DLGAP2: variants seen among roughly 807,000 people sequenced by gnomAD.
DLGAP2 encodes disks large-associated protein 2.
DLGAP2 carries 26 observed loss-of-function variants against 100.3 expected under a neutral mutation model. That is an observed-to-expected ratio of 0.26 (90% CI 0.19 to 0.36). DLGAP2 has a LOEUF of 0.36. Ranked by LOEUF, DLGAP2 falls within the 10% of genes least tolerant of loss-of-function variation. The probability of loss-of-function intolerance (pLI) is 1.00; values close to 1 mark genes in which losing one functional copy is unlikely to be tolerated. For missense variants in DLGAP2, 1,858 were observed against 1,453.2 expected (o/e 1.28, Z -4.53); for synonymous variants, 886 against 630.1 (o/e 1.41, Z -6.08).
chr8:1,133,832 T>C (rs566467122), intron 2 of DLGAP2, among the ~76,000 whole-genome samples: 1 of 152,334 alleles, frequency 6.6e-6, no homozygotes, highest in Admixed American at 6.5e-5. Flanking sequence ...ATAAAATCCG[T>C]ATTGGGAATT....
intron 3 of DLGAP2, among the ~76,000 whole-genome samples, chr8:1,468,474 G>C (rs1038443195): frequency 6.6e-6 from 1 of 151,430 alleles, no homozygotes; most frequent in Non-Finnish European, 1.5e-5. Context: ...GGTTCACATC[G>C]CATGGATCCG....
chr8:1,554,783 C>T (rs1045752759), intron 5 of DLGAP2, among the ~76,000 whole-genome samples: 3 of 151,994 alleles, frequency 2.0e-5, no homozygotes, highest in Non-Finnish European at 2.9e-5. Flanking sequence ...CCCCCTCCCC[C>T]GCGCCCACCA....
intron 3 of DLGAP2, among the ~76,000 whole-genome samples, chr8:1,316,424 G>C (rs111921976): frequency 0.018 from 2,007 of 112,306 alleles, 5 homozygotes; most frequent in South Asian, 0.023. Context: ...CGAGTGCAGC[G>C]TCTCTCCAAC....
chr8:878,874 A>G (rs1797732066), intron 1 of DLGAP2, among the ~76,000 whole-genome samples: 1 of 152,186 alleles, frequency 6.6e-6, no homozygotes, highest in Non-Finnish European at 1.5e-5. Flanking sequence ...GACTTCGCAG[A>G]CACTAGAATC....
intron 2 of DLGAP2, among the ~76,000 whole-genome samples, chr8:916,012 C>A (rs1277718556): frequency 2.0e-5 from 3 of 151,270 alleles, no homozygotes; most frequent in African/African-American, 7.3e-5. Context: ...GTGTGTTAAC[C>A]ATGAGTCCTC....
intron 2 of DLGAP2, among the ~76,000 whole-genome samples, chr8:1,214,293 A>T (rs962940037): frequency 6.6e-6 from 1 of 152,202 alleles, no homozygotes; most frequent in Non-Finnish European, 1.5e-5. Context: ...CAGCTCCAGG[A>T]CAAAAGCTCA....
intron 2 of DLGAP2, among the ~76,000 whole-genome samples, chr8:947,641 G>A (rs1388274361): frequency 6.6e-6 from 1 of 152,176 alleles, no homozygotes; most frequent in African/African-American, 2.4e-5. Flanking sequence ...ACCTCCACGC[G>A]CGGCGCTGTC....
chr8:1,485,536 G>C (rs542210467), intron 3 of DLGAP2, among the ~76,000 whole-genome samples: 1 of 152,330 alleles, frequency 6.6e-6, no homozygotes, highest in East Asian at 1.9e-4. Flanking sequence ...ATTTGGAGAG[G>C]CCGTGTGTCC....
chr8:1,685,107 A>G (rs1045948834), intron 12 of DLGAP2, among the ~76,000 whole-genome samples: 3 of 151,408 alleles, frequency 2.0e-5, no homozygotes, highest in African/African-American at 7.4e-5. Flanking sequence ...GTGACTTTGT[A>G]TCTCCTGGGC....
At chr8:744,710 T>G (rs1270952015) in intron 1 of DLGAP2, among the ~76,000 whole-genome samples, 1 of 152,118 alleles carries the variant, frequency 6.6e-6, no homozygotes, top group African/African-American at 2.4e-5. Context: ...GTGCTGGCTG[T>G]CTGCTTCCCA....
chr8:1,638,907 C>A (rs1428738853), intron 8 of DLGAP2, among the ~76,000 whole-genome samples: 1 of 152,224 alleles, frequency 6.6e-6, no homozygotes, highest in African/African-American at 2.4e-5. Context: ...GCTGAAGCAA[C>A]AGGATGGAGG....
At chr8:1,645,231 T>C (rs896215204) in intron 8 of DLGAP2, among the ~76,000 whole-genome samples, 3 of 152,252 alleles carry the variant, frequency 2.0e-5, no homozygotes, top group Middle Eastern at 3.2e-3. Context: ...TATAATAGCG[T>C]GAAAATCATC....
At chr8:1,480,924 G>C (rs1045794315) in intron 3 of DLGAP2, among the ~76,000 whole-genome samples, 3 of 151,904 alleles carry the variant, frequency 2.0e-5, no homozygotes, top group Non-Finnish European at 4.4e-5. Flanking sequence ...TGTAATCCCA[G>C]CACTTTGGGA....
intron 3 of DLGAP2, among the ~76,000 whole-genome samples, chr8:1,364,115 C>T (rs941006091): frequency 6.6e-5 from 10 of 152,162 alleles, no homozygotes; most frequent in African/African-American, 2.4e-4. Flanking sequence ...CTCTCGGCCC[C>T]ACCCACCTTC....
chr8:823,427 C>T (rs889654184), intron 1 of DLGAP2, among the ~76,000 whole-genome samples: 1 of 152,116 alleles, frequency 6.6e-6, no homozygotes, highest in Admixed American at 6.5e-5. Context: ...TAGCAAGGGG[C>T]AATTGCTTAT....
chr8:1,188,820 A>G (rs770050970), intron 2 of DLGAP2, among the ~76,000 whole-genome samples: 6 of 145,530 alleles, frequency 4.1e-5, no homozygotes, highest in Non-Finnish European at 8.8e-5. Context: ...CGTCCTCAGG[A>G]TGTGCCTTTT....
chr8:981,875 C>A (rs1007422427), intron 2 of DLGAP2, among the ~76,000 whole-genome samples: 1 of 152,200 alleles, frequency 6.6e-6, no homozygotes, highest in Non-Finnish European at 1.5e-5. Context: ...CCTCTTTCCA[C>A]AAAGAGTTTG....
intron 2 of DLGAP2, among the ~76,000 whole-genome samples, chr8:1,070,224 G>A (rs79393297): frequency 6.6e-6 from 1 of 152,088 alleles, no homozygotes; most frequent in African/African-American, 2.4e-5. Context: ...CCTGAGTTCT[G>A]TGTTGTCTTA....
intron 2 of DLGAP2, among the ~76,000 whole-genome samples, chr8:949,441 A>T (rs1222923280): frequency 6.6e-6 from 1 of 151,688 alleles, no homozygotes; most frequent in Non-Finnish European, 1.5e-5. Flanking sequence ...GAGGATGAGG[A>T]GGGAGGGGTC....
Sources: allele counts gnomAD v4.1 joint callset (sites outside exome capture counted in the v4.1 genomes callset), GRCh38; gene constraint gnomAD v4.1.1; transcripts MANE v1.5; gene names NCBI Gene and HGNC (gene_info 2026-07-23, HGNC 2026-07-21).